SPMIP2: variants seen among roughly 807,000 people sequenced by gnomAD.
The protein encoded by SPMIP2 is protein SPMIP2.
chr4:158,996,891 G>A, the SPMIP2 span, among the ~76,000 whole-genome samples: 1 of 152,196 alleles, frequency 6.6e-6, no homozygotes, highest in Admixed American at 6.5e-5. Flanking sequence ...AGCTGGCAAG[G>A]GAACTGGAAT....
the SPMIP2 span, among the ~76,000 whole-genome samples, chr4:159,047,312 C>T: frequency 6.6e-6 from 1 of 152,146 alleles, no homozygotes. Flanking sequence ...AAACCCCATA[C>T]ATATATACAT....
At chr4:158,972,717 T>C in the SPMIP2 span, among the ~76,000 whole-genome samples, 1,014 of 152,356 alleles carry the variant, frequency 6.7e-3, 13 homozygotes, top group African/African-American at 0.022. Flanking sequence ...TTGTGGATTA[T>C]GGGATGCCCA....
chr4:159,029,450 A>C, the SPMIP2 span, among the ~76,000 whole-genome samples: 2 of 152,228 alleles, frequency 1.3e-5, no homozygotes, highest in African/African-American at 4.8e-5. Flanking sequence ...GTTATATATC[A>C]ACTTTTTAAA....
the SPMIP2 span, among the ~76,000 whole-genome samples, chr4:158,993,242 G>A: frequency 1.3e-4 from 20 of 152,020 alleles, no homozygotes; most frequent in African/African-American, 4.6e-4. Flanking sequence ...TGGCATGCCC[G>A]GGTAGTCCCA....
the SPMIP2 span, among the ~76,000 whole-genome samples, chr4:158,964,178 AAAACAAAAC>A: frequency 0.41 from 45,195 of 111,100 alleles, 9,105 homozygotes; most frequent in East Asian, 0.59. Flanking sequence ...AAAACAAAAC[AAAACAAAAC>A]AAAAAACATG....
At chr4:158,945,700 A>T in the SPMIP2 span, among the ~76,000 whole-genome samples, 1 of 152,320 alleles carries the variant, frequency 6.6e-6, no homozygotes, top group Non-Finnish European at 1.5e-5. Context: ...AGACATAATG[A>T]CACCAATGAG....
At chr4:159,021,450 T>G in the SPMIP2 span, among the ~76,000 whole-genome samples, 1,410 of 152,306 alleles carry the variant, frequency 9.3e-3, 15 homozygotes, top group African/African-American at 0.031. Context: ...TGCTCCTGGG[T>G]GAGCAGCAGC....
At chr4:159,079,438 G>A in the SPMIP2 span, among the ~76,000 whole-genome samples, 1 of 152,168 alleles carries the variant, frequency 6.6e-6, no homozygotes, top group African/African-American at 2.4e-5. Context: ...CTGTTCTCAG[G>A]CTTTCTAGCT....
the SPMIP2 span, among the ~76,000 whole-genome samples, chr4:158,930,507 C>CTT: frequency 6.9e-6 from 1 of 144,760 alleles, no homozygotes; most frequent in African/African-American, 2.5e-5. Flanking sequence ...TAATGCCTGG[C>CTT]TTTTTTTTTT....
At chr4:158,986,507 C>T in the SPMIP2 span, among the ~76,000 whole-genome samples, 1 of 104,794 alleles carries the variant, frequency 9.5e-6, no homozygotes, top group Admixed American at 1.0e-4. Context: ...TGATCTTTGA[C>T]AAACTTGAGA....
the SPMIP2 span, among the ~76,000 whole-genome samples, chr4:159,001,711 G>A: frequency 5.3e-5 from 8 of 152,108 alleles, no homozygotes; most frequent in East Asian, 9.6e-4. Context: ...ATTCCATGTC[G>A]TATATGTACC....
At chr4:158,928,515 A>G in the SPMIP2 span, among the ~76,000 whole-genome samples, 1 of 152,120 alleles carries the variant, frequency 6.6e-6, no homozygotes, top group African/African-American at 2.4e-5. Flanking sequence ...GGGGAGGTGG[A>G]GAACCTTTAT....
chr4:158,977,663 G>A, the SPMIP2 span, among the ~76,000 whole-genome samples: 1 of 134,064 alleles, frequency 7.5e-6, no homozygotes, highest in Non-Finnish European at 1.5e-5. Context: ...CAGCCAGGCT[G>A]GAGAGCAGTG....
At chr4:158,896,369 T>A in the SPMIP2 span, among the ~76,000 whole-genome samples, 1 of 152,148 alleles carries the variant, frequency 6.6e-6, no homozygotes, top group Non-Finnish European at 1.5e-5. Flanking sequence ...AGAGGAGACT[T>A]GTATGTTACT....
At chr4:158,970,373 C>T in the SPMIP2 span, among the ~76,000 whole-genome samples, 40 of 152,034 alleles carry the variant, frequency 2.6e-4, no homozygotes, top group South Asian at 7.9e-3. Context: ...CTTGTCTCTA[C>T]TAAAAAATTT....
At chr4:159,076,551 C>T in the SPMIP2 span, among the ~76,000 whole-genome samples, 2 of 152,082 alleles carry the variant, frequency 1.3e-5, no homozygotes, top group Non-Finnish European at 2.9e-5. Flanking sequence ...AGTTTGAATA[C>T]ATGTTCACAA....
chr4:159,063,550 A>AAAT, the SPMIP2 span, among the ~76,000 whole-genome samples: 4 of 148,652 alleles, frequency 2.7e-5, no homozygotes, highest in East Asian at 2.0e-4. Flanking sequence ...ATCCTGTCTC[A>AAAT]AAATAAATAA....
chr4:158,920,640 G>A, the SPMIP2 span, among the ~76,000 whole-genome samples: 43,679 of 152,046 alleles, frequency 0.29, 7,103 homozygotes, highest in Non-Finnish European at 0.38. Flanking sequence ...TGGTCAAACC[G>A]GTTCTCTGCT....
chr4:158,992,148 GAA>G, the SPMIP2 span, among the ~76,000 whole-genome samples: 65 of 152,280 alleles, frequency 4.3e-4, no homozygotes, highest in Middle Eastern at 6.8e-3. Context: ...TCGGCCTTCC[GAA>G]GTGCTGAGAT....
Sources: allele counts gnomAD v4.1 joint callset (sites outside exome capture counted in the v4.1 genomes callset), GRCh38; gene constraint gnomAD v4.1.1; transcripts MANE v1.5; gene names NCBI Gene and HGNC (gene_info 2026-07-23, HGNC 2026-07-21).